GGA1: variants seen among roughly 807,000 people sequenced by gnomAD.
GGA1 encodes ADP-ribosylation factor-binding protein GGA1.
A neutral mutation model predicts 76.9 loss-of-function variants in GGA1; 18 were observed. The ratio of observed to expected loss-of-function variants is 0.23; its 90% CI spans 0.16 to 0.35. GGA1 has a LOEUF of 0.35. GGA1 is among the 10% of genes least tolerant of loss of function. The pLI is 1.00. For synonymous variants in GGA1, 342 were observed against 354.7 expected, an observed-to-expected ratio of 0.96 and a Z score of 0.40; for missense variants, 755 against 859.0, an observed-to-expected ratio of 0.88 and a Z score of 1.51.
rs1298982685 is a variant in GGA1 at position 37,620,376 on chromosome 22, G to C, written c.427+15G>C. 1 of 1,613,794 alleles carries C rather than the reference G, an allele frequency of 6.2e-7. No individual in the cohort carries two copies. Among genetic ancestry groups the C allele is most frequent in the African/African-American group, 1.3e-5 (1 of 75,018 alleles). Reference sequence around the variant, plus strand: ...AAAGAAGCAGGGTGAGGCACACAGAGGGTGGGGGGCGACCAGGGCCTGCCT... The same window carrying C: ...AAAGAAGCAGGGTGAGGCACACAGACGGTGGGGGGCGACCAGGGCCTGCCT... On this transcript the variant is annotated intron_variant, in intron 5 of 16. Transcript: ENST00000343632.
Position 37,633,033 on chromosome 22 carries a change from C to CAGG in GGA1, c.*324_*326dup. 1 of 321,946 alleles carries CAGG rather than the reference C, an allele frequency of 3.1e-6. No individual in the cohort carries two copies. The highest frequency in any genetic ancestry group is 6.0e-6 in the Non-Finnish European group (1 of 168,006). The allele number at this position is 321,946 out of a possible 1,614,324, so 19.9% of individuals were successfully genotyped here. On this transcript the variant is annotated 3_prime_UTR_variant, in exon 17 of 17. Transcript: ENST00000343632. ...GGAAGCACAGCTGTTGGGGAAGGGCCAGGACCTCAGGCCCAGCCCCAACCC... is the reference window on the plus strand; with the variant it reads ...GGAAGCACAGCTGTTGGGGAAGGGCCAGGAGGACCTCAGGCCCAGCCCCAACCC...
At chr22:37,613,960 T>A (rs1200587363) in intron 1 of GGA1, 6 of 516,942 alleles carry the variant, frequency 1.2e-5, no homozygotes, top group South Asian at 2.0e-5. Flanking sequence ...GGAAGGGCCC[T>A]GACCATAGTC....
In GGA1 at chr22:37,632,598, CAGG is replaced by C. The variant is rs759172802; in HGVS notation, c.1810_1812del (p.Glu604del). On this transcript the variant is annotated splice_acceptor_variant and coding_sequence_variant, in exon 17 of 17. Coordinates refer to ENST00000343632, the MANE Select transcript of GGA1 (RefSeq NM_013365.5). LOFTEE classifies it high-confidence loss of function. This position sits in a 1 kb window ranked among gnomAD's most constrained non-coding sequence, Gnocchi z 5.1. ...CCCTCTGCCTTTGCCATCTCTTCCC[CAGG>C]AGAAGGTTCGCCTCCGCTACAAGCT... The C allele has an allele frequency of 7.5e-6, 12 of 1,607,524 alleles. No homozygotes were observed. The highest frequency in any genetic ancestry group is 8.5e-7 in the Non-Finnish European group (1 of 1,174,196).
intron 1 of GGA1, among the ~76,000 whole-genome samples, chr22:37,611,915 G>T (rs140686480): frequency 1.1e-3 from 169 of 152,304 alleles, no homozygotes; most frequent in Middle Eastern, 0.01. Flanking sequence ...ACTTTGGGTG[G>T]CCGAGGTGGG....
intron 1 of GGA1, chr22:37,609,259 T>G: frequency 3.6e-5 from 41 of 1,152,434 alleles, no homozygotes; most frequent in Non-Finnish European, 4.0e-5. Flanking sequence ...CGCGAGCGGT[T>G]CCCCGGGGTT....
chr22:37,621,640 T>G lies in GGA1; in HGVS notation c.553T>G (p.Ser185Ala), dbSNP rs1929913612. The stretch of plus-strand genomic sequence containing the variant: ...GATGCTGGCCCGCCTGCTGAAGAGC[T>G]CCCATCCCGAAGACCTCCGCGCAGC... ...SKMLARLLKS[S>A]HPEDLRAANK... is the part of the protein sequence containing the mutation. The change falls in exon 7 of 17, where the codon TCC (serine) becomes GCC (alanine). Residue 185 changes from serine (S) to alanine (A), a missense_variant. Ser to Ala is a moderately conservative substitution (Grantham distance 99). Coordinates refer to ENST00000343632, the MANE Select transcript of GGA1 (RefSeq NM_013365.5). 1.9e-6 allele frequency: 3 copies of G among 1,553,770 alleles called. No homozygotes were observed. In the South Asian group the frequency reaches 3.6e-5, roughly 18 times the overall value.
intron 6 of GGA1, 89 bp downstream of exon 6, chr22:37,621,002 T>C (rs980939441): frequency 1.9e-5 from 15 of 808,764 alleles, no homozygotes; most frequent in Non-Finnish European, 3.1e-5. Context: ...CATCAGCCGT[T>C]GGAACAGAGG....
rs1932064223 is a variant in GGA1 at position 37,632,859 on chromosome 22, G to A, written c.*148G>A. 1 of 617,000 alleles carries A rather than the reference G, an allele frequency of 1.6e-6. No homozygotes were observed. Among genetic ancestry groups the A allele is most frequent in the Non-Finnish European group, 2.9e-6 (1 of 340,180 alleles). 38.2% of individuals were successfully genotyped at this position (617,000 alleles called of 1,614,324 possible). ...CTCCCCACACCCCTGTAGGCCTCAAGTGACTCTTCCCCCTCCTGCTCCGGC... is the reference window on the plus strand; with the variant it reads ...CTCCCCACACCCCTGTAGGCCTCAAATGACTCTTCCCCCTCCTGCTCCGGC... On this transcript the variant is annotated 3_prime_UTR_variant, in exon 17 of 17. Coordinates refer to ENST00000343632, the MANE Select transcript of GGA1 (RefSeq NM_013365.5). This position sits in a 1 kb window ranked among gnomAD's most constrained non-coding sequence, Gnocchi z 5.1.
chr22:37,613,064 G>A (rs1474576239), intron 1 of GGA1: 46 of 985,232 alleles, frequency 4.7e-5, no homozygotes, highest in Admixed American at 1.2e-4. Flanking sequence ...ATGCAGTGCC[G>A]TAGCAGGCTG....
At chr22:37,619,802 G>T (rs755842156) in intron 4 of GGA1, 3 of 778,622 alleles carry the variant, frequency 3.9e-6, no homozygotes, top group African/African-American at 1.7e-5. Context: ...CCCAACAGGG[G>T]ACTCTGCTGT....
intron 1 of GGA1, among the ~76,000 whole-genome samples, chr22:37,612,308 C>CAA (rs569774905): frequency 1.3e-3 from 141 of 111,962 alleles, no homozygotes; most frequent in African/African-American, 4.2e-3. Flanking sequence ...ACTAAAAATA[C>CAA]AAAAAAAAAA....
In GGA1 at chr22:37,625,757, G is replaced by A; in HGVS notation, c.941-40G>A. On this transcript the variant is annotated intron_variant, in intron 10 of 16. Coordinates refer to ENST00000343632, the MANE Select transcript of GGA1 (RefSeq NM_013365.5). The surrounding 1 kb of genome is among the most constrained non-coding windows in gnomAD (Gnocchi z 4.1). Reference sequence around the variant, plus strand: ...CCCCTGTGGACTCTGAGAGACACGTGTACACCCAGGACTTGCCAGCCTCTT... The same window carrying A: ...CCCCTGTGGACTCTGAGAGACACGTATACACCCAGGACTTGCCAGCCTCTT... 4.0e-6 allele frequency: 6 copies of A among 1,501,616 alleles called. No individual in the cohort carries two copies. Among genetic ancestry groups the A allele is most frequent in the African/African-American group, 1.4e-5 (1 of 72,288 alleles). The allele number at this position is 1,501,616 out of a possible 1,614,324, so 93.0% of individuals were successfully genotyped here. A position where few individuals can be genotyped will look rare whatever the true frequency, so the allele number is the denominator to read the frequency against.
At chr22:37,630,699 T>C in intron 13 of GGA1, 1 of 558,858 alleles carries the variant, frequency 1.8e-6, no homozygotes, top group Admixed American at 3.6e-5. Flanking sequence ...CCTGAGTAGC[T>C]GGGACCACAG....
intron 1 of GGA1, among the ~76,000 whole-genome samples, chr22:37,609,843 C>G (rs1477533540): frequency 6.6e-6 from 1 of 152,192 alleles, no homozygotes; most frequent in Non-Finnish European, 1.5e-5. Context: ...AGGGAACCCT[C>G]TTGGACCCGG....
chr22:37,620,990 G>A, intron 6 of GGA1, 77 bp downstream of exon 6: 1 of 859,562 alleles, frequency 1.2e-6, no homozygotes, highest in South Asian at 1.3e-5. Context: ...TAGCTGCCCT[G>A]GCATCAGCCG....
chr22:37,623,062 G>A lies in GGA1; in HGVS notation c.610-265G>A, dbSNP rs1014269512. On this transcript the variant is annotated intron_variant, in intron 7 of 16. Transcript: ENST00000343632. This position sits in a 1 kb window ranked among gnomAD's most constrained non-coding sequence, Gnocchi z 4.6. Reference sequence around the variant, plus strand: ...GGCCTTCAGAAGCACCTGGTGAGGGGTTTGGAAACCCAGGTTCCTGGGCCA... The same window carrying A: ...GGCCTTCAGAAGCACCTGGTGAGGGATTTGGAAACCCAGGTTCCTGGGCCA... 3.3e-5 allele frequency among the ~76,000 whole-genome samples: 5 copies of A among 152,256 alleles called. No individual in the cohort carries two copies. The highest frequency in any genetic ancestry group is 1.2e-4 in the African/African-American group (5 of 41,476).
At position 37,624,844 on chromosome 22, in the gene GGA1, C is replaced by T; in HGVS notation, c.833-125C>T. 3.8e-6 allele frequency: 5 copies of T among 1,326,182 alleles called. No individual in the cohort carries two copies. Among genetic ancestry groups the T allele is most frequent in the Non-Finnish European group, 3.1e-6 (3 of 979,134 alleles). 82.2% of individuals were successfully genotyped at this position (1,326,182 alleles called of 1,614,324 possible). ...CCAGAGTCTCAGCAGACGAGATGGG[C>T]TGTTTCCCTGCCCCTTTCCCTTCCC... On this transcript the variant is annotated intron_variant, in intron 9 of 16. Coordinates refer to ENST00000343632, the MANE Select transcript of GGA1 (RefSeq NM_013365.5). This position sits in a 1 kb window ranked among gnomAD's most constrained non-coding sequence, Gnocchi z 4.3.
chr22:37,621,217 TG>T (rs777555575), intron 6 of GGA1, among the ~76,000 whole-genome samples: 4 of 152,238 alleles, frequency 2.6e-5, no homozygotes, highest in Admixed American at 1.3e-4. Flanking sequence ...TTAAAACTTG[TG>T]GGTGAAAAGT....
rs376569993 is a variant in GGA1 at position 37,620,763 on chromosome 22, C to G, written c.428-50C>G. On this transcript the variant is annotated intron_variant, in intron 5 of 16. Coordinates refer to ENST00000343632, the MANE Select transcript of GGA1 (RefSeq NM_013365.5). ...GCCCCCATCCCCATGTCACCCCTACCCCTGGGCCTGGGACATATTGACAGC... is the reference window on the plus strand; with the variant it reads ...GCCCCCATCCCCATGTCACCCCTACGCCTGGGCCTGGGACATATTGACAGC... The G allele has an allele frequency of 1.4e-4, 161 of 1,133,420 alleles. No homozygotes were observed. The African/African-American group carries it at 2.2e-3, about 16-fold the overall frequency. The allele number at this position is 1,133,420 out of a possible 1,614,324, so 70.2% of individuals were successfully genotyped here. A position where few individuals can be genotyped will look rare whatever the true frequency, so the allele number is the denominator to read the frequency against.
Sources: allele counts gnomAD v4.1 joint callset (sites outside exome capture counted in the v4.1 genomes callset), GRCh38; gene constraint gnomAD v4.1.1; non-coding constraint Gnocchi (gnomAD v3.1); transcripts MANE v1.5; gene names NCBI Gene and HGNC (gene_info 2026-07-23, HGNC 2026-07-21).